The following PCDHA7 variants were observed in gnomAD, a reference collection of about 807,000 sequenced individuals.
PCDHA7 encodes the protein protocadherin alpha-7.
PCDHA7 carries 37 observed loss-of-function variants against 57.2 expected under a neutral mutation model. The ratio of observed to expected loss-of-function variants is 0.65; its 90% CI spans 0.50 to 0.85. The LOEUF is 0.85. PCDHA7 is among the 40% of genes least tolerant of loss of function. The pLI is 0.00. For synonymous variants in PCDHA7, 553 were observed against 558.8 expected, an observed-to-expected ratio of 0.99 and a Z score of 0.15; for missense variants, 1,188 against 1,241.8, an observed-to-expected ratio of 0.96 and a Z score of 0.65.
chr5:140,925,641 TATAATAATAATAATA>T (rs10569930), intron 1 of PCDHA7, among the ~76,000 whole-genome samples: 7 of 143,358 alleles, frequency 4.9e-5, no homozygotes, highest in African/African-American at 1.0e-4. Flanking sequence ...GAACTTAAAG[TATAATAATAATAATA>T]ATAATAATAA....
At chr5:140,952,410 T>C (rs2094741343) in intron 1 of PCDHA7, among the ~76,000 whole-genome samples, 1 of 151,978 alleles carries the variant, frequency 6.6e-6, no homozygotes, top group Non-Finnish European at 1.5e-5. Flanking sequence ...TCAAATTTAA[T>C]GTTCCGCAGA....
chr5:140,835,199 C>T lies in PCDHA7; in HGVS notation c.816C>T (p.Gly272=), dbSNP rs2150231734. The T allele has an allele frequency of 7.8e-3, 12,048 of 1,553,200 alleles. 392 individuals are homozygous for T. The African/African-American group carries it at 0.15, about 20-fold the overall frequency. The part of the protein sequence containing the change: ...IHPNASDLDE[G]LNGDIIYSFS... ...CCAATGCCTCAGATTTAGACGAAGGCTTGAATGGGGATATTATTTACTCCT... is the reference window on the plus strand; with the variant it reads ...CCAATGCCTCAGATTTAGACGAAGGTTTGAATGGGGATATTATTTACTCCT... Residue 272 remains glycine, a synonymous_variant, in exon 1 of 4, where the codon GGC becomes GGT. Coordinates refer to ENST00000525929, the MANE Select transcript of PCDHA7 (RefSeq NM_018910.3).
In PCDHA7 at chr5:140,952,684, C is replaced by T. The variant is rs1165956619; in HGVS notation, c.2356-26265C>T. On this transcript the variant is annotated intron_variant, in intron 1 of 3. Coordinates refer to ENST00000525929, the MANE Select transcript of PCDHA7 (RefSeq NM_018910.3). The stretch of plus-strand genomic sequence containing the variant: ...AAAGTCACTTTCACATTTTCAGGAT[C>T]TTTATAGCAATATCCCACTCTCAGT... Among the ~76,000 whole-genome samples the T allele has an allele frequency of 2.0e-5, 3 of 152,308 alleles. No individual in the cohort carries two copies. The East Asian group carries it at 5.8e-4, about 29-fold the overall frequency.
Position 140,966,822 on chromosome 5 carries a change from C to A in PCDHA7, c.2356-12127C>A, listed in dbSNP as rs1329460642. 9 of 1,558,948 alleles carry A rather than the reference C, an allele frequency of 5.8e-6. No individual in the cohort carries two copies. In the Admixed American group the frequency reaches 7.5e-5, roughly 13 times the overall value. On this transcript the variant is annotated intron_variant, in intron 1 of 3. Transcript: ENST00000525929. ...ACAGAGCATCCACGGCTCCGGCGGC[C>A]CATGCCCTGGCTGCTGCTACTGCCT... is the stretch of plus-strand genomic sequence containing the variant.
At chr5:140,956,195 G>A (rs1324151692) in intron 1 of PCDHA7, among the ~76,000 whole-genome samples, 1 of 152,178 alleles carries the variant, frequency 6.6e-6, no homozygotes, top group Non-Finnish European at 1.5e-5. Flanking sequence ...CTGAATAGGA[G>A]TGGTGAAAGA....
At chr5:140,877,346 G>GGCT (rs1217124440) in intron 1 of PCDHA7, 1 of 1,613,888 alleles carries the variant, frequency 6.2e-7, no homozygotes, top group Non-Finnish European at 8.5e-7. Flanking sequence ...TTCCACGTGG[G>GGCT]GCTGTACACT....
intron 1 of PCDHA7, chr5:140,969,615 G>A (rs1417453925): frequency 3.6e-5 from 26 of 714,726 alleles, no homozygotes; most frequent in Non-Finnish European, 5.5e-5. Flanking sequence ...ACACAGATTT[G>A]TAGAGAAACA....
chr5:140,845,180 T>C (rs1554140853), intron 1 of PCDHA7, among the ~76,000 whole-genome samples: 1 of 149,340 alleles, frequency 6.7e-6, no homozygotes, highest in Admixed American at 6.7e-5. Context: ...TTTTAGTCCT[T>C]TAAAAAATAT....
chr5:140,890,931 C>T (rs2062870447), intron 1 of PCDHA7, among the ~76,000 whole-genome samples: 1 of 152,090 alleles, frequency 6.6e-6, no homozygotes, highest in Admixed American at 6.6e-5. Context: ...TTCCTTTAGT[C>T]CAAAGATGCT....
At chr5:140,843,505 T>A (rs2150361332) in intron 1 of PCDHA7, 2 of 1,595,718 alleles carry the variant, frequency 1.3e-6, no homozygotes, top group Admixed American at 1.7e-5. Context: ...CACTGCCCAC[T>A]GAGGGCGGGT....
intron 1 of PCDHA7, chr5:140,968,323 C>T (rs1554230616): frequency 1.2e-6 from 2 of 1,614,114 alleles, no homozygotes; most frequent in East Asian, 2.2e-5. Flanking sequence ...TGCCAGTCAC[C>T]TCCTATGTCT....
At chr5:140,950,608 T>G (rs1490243292) in intron 1 of PCDHA7, among the ~76,000 whole-genome samples, 1 of 152,086 alleles carries the variant, frequency 6.6e-6, no homozygotes, top group Non-Finnish European at 1.5e-5. Context: ...GACTATGATG[T>G]GCTTATTTAT....
intron 1 of PCDHA7, among the ~76,000 whole-genome samples, chr5:140,948,964 T>C (rs2094329348): frequency 6.6e-6 from 1 of 151,790 alleles, no homozygotes; most frequent in Non-Finnish European, 1.5e-5. Context: ...AGCCACGAAT[T>C]TATTAGTATG....
At chr5:140,837,593 A>G (rs1168941201) in intron 1 of PCDHA7, among the ~76,000 whole-genome samples, 3 of 151,646 alleles carry the variant, frequency 2.0e-5, no homozygotes, top group Admixed American at 1.3e-4. Flanking sequence ...TAAATCGCCA[A>G]TATATATATT....
chr5:140,875,378 T>G, intron 1 of PCDHA7: 1 of 1,458,602 alleles, frequency 6.9e-7, no homozygotes, highest in Non-Finnish European at 9.0e-7. Context: ...TTACTAAATA[T>G]GTACTTACAG....
At chr5:140,940,940 G>T (rs187772223) in intron 1 of PCDHA7, among the ~76,000 whole-genome samples, 1 of 152,254 alleles carries the variant, frequency 6.6e-6, no homozygotes, top group Non-Finnish European at 1.5e-5. Context: ...CTTAGACTAC[G>T]TATTCTCAGA....
rs2150492739 is a variant in PCDHA7 at position 140,850,664 on chromosome 5, C to G, written c.2355+13926C>G. On this transcript the variant is annotated intron_variant, in intron 1 of 3. Coordinates refer to ENST00000525929, the MANE Select transcript of PCDHA7 (RefSeq NM_018910.3). Reference sequence around the variant, plus strand: ...TGCTGCTGTACACTGTGCTGCGGTGCTCGGCGATGCCCACCGAGGGCGAGT... The same window carrying G: ...TGCTGCTGTACACTGTGCTGCGGTGGTCGGCGATGCCCACCGAGGGCGAGT... 4.4e-6 allele frequency: 7 copies of G among 1,598,280 alleles called. No individual in the cohort carries two copies. In the African/African-American group the frequency reaches 9.4e-5, roughly 22 times the overall value.
chr5:140,927,838 G>C, intron 1 of PCDHA7: 1 of 1,614,210 alleles, frequency 6.2e-7, no homozygotes, highest in Non-Finnish European at 8.5e-7. Context: ...GAGGGACGAA[G>C]GTGTCTTTGG....
chr5:140,985,505 T>C (rs2097155238), intron 3 of PCDHA7, among the ~76,000 whole-genome samples: 1 of 152,188 alleles, frequency 6.6e-6, no homozygotes, highest in Non-Finnish European at 1.5e-5. Flanking sequence ...CTGCCTTTCA[T>C]TGATTCTGTT....
Sources: gnomAD v4.1 joint callset for allele counts (sites outside exome capture counted in the v4.1 genomes callset) on GRCh38, gnomAD v4.1.1 for gene constraint, MANE v1.5 for transcripts, NCBI Gene and HGNC (gene_info 2026-07-23, HGNC 2026-07-21) for gene names.